The following PPARGC1A variants were observed in gnomAD, a reference collection of about 807,000 sequenced individuals.
The protein encoded by PPARGC1A is peroxisome proliferator-activated receptor gamma coactivator 1-alpha.
PPARGC1A carries 25 observed loss-of-function variants against 88.7 expected under a neutral mutation model. The ratio of observed to expected loss-of-function variants is 0.28; its 90% CI spans 0.21 to 0.39. The LOEUF is 0.39. Ranked by LOEUF, PPARGC1A falls within the 10% of genes least tolerant of loss-of-function variation. PPARGC1A has a pLI of 1.00. For synonymous variants in PPARGC1A, 363 were observed against 355.6 expected, an observed-to-expected ratio of 1.02 and a Z score of -0.24; for missense variants, 880 against 968.7, an observed-to-expected ratio of 0.91 and a Z score of 1.22.
chr4:24,278,285 T>C, the PPARGC1A span, among the ~76,000 whole-genome samples: 6 of 152,314 alleles, frequency 3.9e-5, no homozygotes, highest in Admixed American at 2.0e-4. Flanking sequence ...GTACCAAGCA[T>C]AATTTAGGAG....
At chr4:23,923,370 T>C in the PPARGC1A span, among the ~76,000 whole-genome samples, 2 of 152,244 alleles carry the variant, frequency 1.3e-5, no homozygotes, top group South Asian at 2.1e-4. Context: ...TTTCACAACC[T>C]GTTCACGTGC....
At chr4:24,457,738 A>T in the PPARGC1A span, among the ~76,000 whole-genome samples, 1 of 151,650 alleles carries the variant, frequency 6.6e-6, no homozygotes, top group Non-Finnish European at 1.5e-5. Context: ...TTATTTATTT[A>T]TTTTTTAGTA....
chr4:24,272,823 T>C, the PPARGC1A span, among the ~76,000 whole-genome samples: 18 of 152,232 alleles, frequency 1.2e-4, no homozygotes, highest in African/African-American at 4.1e-4. Flanking sequence ...GCAAAGACTC[T>C]TCATTAAAAT....
chr4:24,470,277 G>GACACACACACACAC, the PPARGC1A span, among the ~76,000 whole-genome samples: 3,400 of 110,464 alleles, frequency 0.031, 105 homozygotes, highest in Non-Finnish European at 0.039. The surrounding 1 kb of genome is among the most constrained non-coding windows in gnomAD (Gnocchi z 5.8). Flanking sequence ...GACAGACACA[G>GACACACACACACAC]ACACACACAC....
the PPARGC1A span, among the ~76,000 whole-genome samples, chr4:24,201,752 T>C: frequency 6.6e-6 from 1 of 152,222 alleles, no homozygotes; most frequent in Admixed American, 6.5e-5. Context: ...TAAACATATA[T>C]AATTATTTTT....
At chr4:24,151,566 T>A in the PPARGC1A span, among the ~76,000 whole-genome samples, 1 of 152,310 alleles carries the variant, frequency 6.6e-6, no homozygotes, top group African/African-American at 2.4e-5. Flanking sequence ...CTATTACCAA[T>A]TGAGAAAACA....
At chr4:23,906,811 T>C (rs984323490), upstream of PPARGC1A, among the ~76,000 whole-genome samples, 8 of 152,084 alleles carry the variant, frequency 5.3e-5, no homozygotes, top group African/African-American at 1.9e-4. Context: ...AAGGGTCACA[T>C]GGATTAAGGT....
the PPARGC1A span, among the ~76,000 whole-genome samples, chr4:23,950,368 G>T: frequency 6.6e-6 from 1 of 151,954 alleles, no homozygotes; most frequent in Non-Finnish European, 1.5e-5. Flanking sequence ...TGACAAAAAG[G>T]TACATCATTT....
At chr4:23,861,692 A>G (rs1392794531) in intron 2 of PPARGC1A, among the ~76,000 whole-genome samples, 1 of 152,162 alleles carries the variant, frequency 6.6e-6, no homozygotes, top group African/African-American at 2.4e-5. Flanking sequence ...AAGGCAAAAT[A>G]TTTCTGAAAA....
chr4:24,066,849 G>GTTTTTTTTTTTTTTTTTTTTTTTGT, the PPARGC1A span, among the ~76,000 whole-genome samples: 1 of 100,880 alleles, frequency 9.9e-6, no homozygotes, highest in Non-Finnish European at 1.9e-5. Flanking sequence ...TTTGTTTTGG[G>GTTTTTTTTTTTTTTTTTTTTTTTGT]TTTTTTTTTT....
chr4:23,880,466 G>A (rs1386743014), intron 2 of PPARGC1A, among the ~76,000 whole-genome samples: 1 of 152,172 alleles, frequency 6.6e-6, no homozygotes, highest in African/African-American at 2.4e-5. Flanking sequence ...AAAAATGTCA[G>A]TGAACAAGAC....
the PPARGC1A span, among the ~76,000 whole-genome samples, chr4:24,303,394 A>T: frequency 6.6e-6 from 1 of 152,200 alleles, no homozygotes; most frequent in Non-Finnish European, 1.5e-5. Flanking sequence ...TTACTGTATT[A>T]AAGCTACCTT....
chr4:23,937,497 ATAAAATAAAATAAAG>A, the PPARGC1A span, among the ~76,000 whole-genome samples: 11 of 152,050 alleles, frequency 7.2e-5, no homozygotes, highest in Non-Finnish European at 1.5e-4. Flanking sequence ...TCACTAGAAA[ATAAAATAAAATAAAG>A]TAAAATAAAA....
At chr4:23,940,251 C>T in the PPARGC1A span, among the ~76,000 whole-genome samples, 1 of 152,150 alleles carries the variant, frequency 6.6e-6, no homozygotes, top group African/African-American at 2.4e-5. Context: ...TTGAGAAACT[C>T]AAGAGACATG....
At chr4:24,200,638 A>T in the PPARGC1A span, among the ~76,000 whole-genome samples, 1 of 117,354 alleles carries the variant, frequency 8.5e-6, no homozygotes, top group African/African-American at 3.0e-5. Context: ...TGTAACCAAA[A>T]TGTTTTATTT....
chr4:24,020,858 A>G, the PPARGC1A span, among the ~76,000 whole-genome samples: 1 of 152,138 alleles, frequency 6.6e-6, no homozygotes, highest in Admixed American at 6.5e-5. Flanking sequence ...TCTTCGTGAA[A>G]TACCTGTTTC....
the PPARGC1A span, among the ~76,000 whole-genome samples, chr4:24,172,881 G>A: frequency 6.6e-6 from 1 of 152,124 alleles, no homozygotes; most frequent in Non-Finnish European, 1.5e-5. Flanking sequence ...TTCAGTTTTT[G>A]CCATCTTACC....
chr4:23,849,045 G>A (rs1419737116), intron 2 of PPARGC1A, among the ~76,000 whole-genome samples: 1 of 152,136 alleles, frequency 6.6e-6, no homozygotes, highest in South Asian at 2.1e-4. Flanking sequence ...TCGGGAGGCT[G>A]AGGCAGGAGA....
At chr4:24,274,010 A>T in the PPARGC1A span, among the ~76,000 whole-genome samples, 2 of 151,780 alleles carry the variant, frequency 1.3e-5, no homozygotes, top group East Asian at 3.9e-4. Context: ...AAGTGCTGGG[A>T]TTACAGGAGT....
Sources: gnomAD v4.1 joint callset for allele counts (sites outside exome capture counted in the v4.1 genomes callset) on GRCh38, gnomAD v4.1.1 for gene constraint, Gnocchi (gnomAD v3.1) non-coding constraint, MANE v1.5 for transcripts, NCBI Gene and HGNC (gene_info 2026-07-23, HGNC 2026-07-21) for gene names.